EYS: variants seen among roughly 807,000 people sequenced by gnomAD.
The protein encoded by EYS is protein eyes shut homolog.
A neutral mutation model predicts 282.1 loss-of-function variants in EYS; 250 were observed. The observed-to-expected ratio is 0.89, with a 90% CI of 0.80 to 0.98. The LOEUF is 0.98. Among genes scored for constraint, EYS ranks in the 50% least tolerant of loss-of-function variants. EYS has a pLI of 0.00. For synonymous variants in EYS, 1,355 were observed against 1,282.9 expected (o/e 1.06, Z -1.20); for missense variants, 4,016 against 3,709.0 (o/e 1.08, Z -2.15).
chr6:64,542,232 AT>A (rs956547225), intron 26 of EYS, among the ~76,000 whole-genome samples: 4 of 152,122 alleles, frequency 2.6e-5, no homozygotes, highest in African/African-American at 9.6e-5. Flanking sequence ...TTTATATTAT[AT>A]TAATATTGCT....
intron 35 of EYS, among the ~76,000 whole-genome samples, chr6:63,898,089 C>T (rs1022135539): frequency 6.6e-5 from 10 of 152,274 alleles, no homozygotes; most frequent in Middle Eastern, 3.4e-3. Context: ...ACATCATTTT[C>T]GAGTCATGTT....
intron 7 of EYS, among the ~76,000 whole-genome samples, chr6:65,387,589 G>T (rs908470251): frequency 2.6e-5 from 4 of 151,702 alleles, no homozygotes; most frequent in African/African-American, 9.7e-5. Flanking sequence ...TTTTTAAAGA[G>T]TTAACTTCAA....
At chr6:64,974,509 C>T (rs9363302) in intron 14 of EYS, among the ~76,000 whole-genome samples, 10,262 of 151,728 alleles carry the variant, frequency 0.068, 442 homozygotes, top group East Asian at 0.13. Flanking sequence ...GATAATTAAG[C>T]ATTTTAATAT....
chr6:64,303,870 G>C (rs9451282), intron 30 of EYS, among the ~76,000 whole-genome samples: 1 of 144,750 alleles, frequency 6.9e-6, no homozygotes, highest in Admixed American at 7.0e-5. Context: ...AAGCCTCAGG[G>C]TAGGGTTACG....
chr6:63,939,803 T>C (rs1582001853), intron 35 of EYS, among the ~76,000 whole-genome samples: 1 of 152,222 alleles, frequency 6.6e-6, no homozygotes, highest in East Asian at 1.9e-4. Flanking sequence ...ACAAATCTAT[T>C]ATAAATATTG....
At position 64,686,793 on chromosome 6, in the gene EYS, G is replaced by GTATATA. The variant is rs757264177; in HGVS notation, c.3444-60554_3444-60549dup. 2.6e-3 allele frequency among the ~76,000 whole-genome samples: 61 copies of GTATATA among 23,084 alleles called. 1 individual carries two copies. The highest frequency in any genetic ancestry group is 4.5e-3 in the Non-Finnish European group (32 of 7,102). The allele number at this position is 23,084 out of a possible 152,430, so 15.1% of individuals were successfully genotyped here. On this transcript the variant is annotated intron_variant, in intron 22 of 42. Transcript: ENST00000503581. Reference sequence around the variant, plus strand: ...TATATATATATATATATATATGTGTGTATATATATATGTGTGTATATATAT... The same window carrying GTATATA: ...TATATATATATATATATATATGTGTGTATATATATATATATATGTGTGTATATATAT...
intron 8 of EYS, among the ~76,000 whole-genome samples, chr6:65,359,898 A>G (rs1764634238): frequency 6.6e-6 from 1 of 152,016 alleles, no homozygotes; most frequent in East Asian, 1.9e-4. Flanking sequence ...ACTTCAGATA[A>G]GGAAATAAAA....
At chr6:64,544,187 C>T (rs1036619242) in intron 26 of EYS, among the ~76,000 whole-genome samples, 28 of 152,092 alleles carry the variant, frequency 1.8e-4, no homozygotes, top group African/African-American at 6.3e-4. Flanking sequence ...GCCTTCTACT[C>T]GATTTGAGAA....
At chr6:65,066,466 G>A (rs1327803400) in intron 12 of EYS, among the ~76,000 whole-genome samples, 3 of 152,076 alleles carry the variant, frequency 2.0e-5, no homozygotes, top group Non-Finnish European at 4.4e-5. Flanking sequence ...TCTCATAAAT[G>A]AATACTTTTT....
At chr6:63,901,883 T>C (rs1048731902) in intron 35 of EYS, among the ~76,000 whole-genome samples, 2 of 151,970 alleles carry the variant, frequency 1.3e-5, no homozygotes, top group African/African-American at 4.8e-5. Flanking sequence ...AGATTTTGGA[T>C]TTTTATTTAT....
intron 14 of EYS, among the ~76,000 whole-genome samples, chr6:64,968,946 T>C (rs1583343561): frequency 6.6e-6 from 1 of 152,300 alleles, no homozygotes; most frequent in East Asian, 1.9e-4. Context: ...TCAAGATATC[T>C]CTAATGAGGT....
At chr6:65,640,125 C>G (rs1767226703) in intron 1 of EYS, among the ~76,000 whole-genome samples, 1 of 152,104 alleles carries the variant, frequency 6.6e-6, no homozygotes, top group Non-Finnish European at 1.5e-5. Context: ...AAGCAACTGA[C>G]ATACAAAAAT....
intron 2 of EYS, among the ~76,000 whole-genome samples, chr6:65,502,461 G>A (rs1214191453): frequency 1.3e-5 from 2 of 151,616 alleles, no homozygotes; most frequent in Non-Finnish European, 3.0e-5. Context: ...GTTCTCATGT[G>A]TACCATATTG....
At chr6:65,486,874 T>C (rs1427449225) in intron 5 of EYS, among the ~76,000 whole-genome samples, 1 of 152,226 alleles carries the variant, frequency 6.6e-6, no homozygotes, top group Non-Finnish European at 1.5e-5. Context: ...TATTTTATCC[T>C]TGAAGAGGTC....
chr6:64,459,503 C>A (rs1319327213), intron 26 of EYS, among the ~76,000 whole-genome samples: 1 of 152,134 alleles, frequency 6.6e-6, no homozygotes, highest in Admixed American at 6.5e-5. Flanking sequence ...CCACAATAGG[C>A]CATCTGCAAG....
chr6:65,613,815 C>T (rs1293307323), intron 2 of EYS, among the ~76,000 whole-genome samples: 1 of 151,752 alleles, frequency 6.6e-6, no homozygotes, highest in African/African-American at 2.4e-5. Flanking sequence ...TATATGTTTT[C>T]ATTTGTAATA....
intron 2 of EYS, among the ~76,000 whole-genome samples, chr6:65,561,929 AT>A (rs1314780348): frequency 1.3e-5 from 2 of 151,684 alleles, no homozygotes; most frequent in African/African-American, 4.8e-5. Context: ...TTAAATGGTT[AT>A]AAAAATACAG....
At chr6:64,941,561 T>A (rs1413375521) in intron 15 of EYS, among the ~76,000 whole-genome samples, 1 of 152,030 alleles carries the variant, frequency 6.6e-6, no homozygotes, top group African/African-American at 2.4e-5. Context: ...ATCACCCAGG[T>A]AGTGAGCATA....
Position 64,683,745 on chromosome 6 carries a change from C to A in EYS, c.3444-57500G>T, listed in dbSNP as rs1319521439. On this transcript the variant is annotated intron_variant, in intron 22 of 42. Coordinates refer to ENST00000503581, the MANE Select transcript of EYS (RefSeq NM_001142800.2). ...TACAAAGTCAAAATTGCAACTTAGG[C>A]ATGTTAGCTCAAGTTGCTCCAGTTT... Among the ~76,000 whole-genome samples, 4 of 152,286 alleles carry A rather than the reference C, an allele frequency of 2.6e-5. No individual in the cohort carries two copies. The East Asian group carries it at 5.8e-4, about 22-fold the overall frequency.
Sources: gnomAD v4.1 joint callset for allele counts (sites outside exome capture counted in the v4.1 genomes callset) on GRCh38, gnomAD v4.1.1 for gene constraint, MANE v1.5 for transcripts, NCBI Gene and HGNC (gene_info 2026-07-23, HGNC 2026-07-21) for gene names.